The following CIRSR variants were observed in gnomAD, a reference collection of about 807,000 sequenced individuals.
CIRSR encodes the protein corepressor of RBPJ and splicing regulator.
At chr2:174,374,877 C>G in the CIRSR span, among the ~76,000 whole-genome samples, 1 of 152,166 alleles carries the variant, frequency 6.6e-6, no homozygotes, top group African/African-American at 2.4e-5. Flanking sequence ...TTAGAGGAGC[C>G]CTTCCTGATC....
the CIRSR span, chr2:174,381,581 A>T: frequency 3.2e-6 from 2 of 632,930 alleles, no homozygotes; most frequent in East Asian, 5.9e-5. Context: ...CCAACTCAGG[A>T]GGTGGATGGA....
the CIRSR span, among the ~76,000 whole-genome samples, chr2:174,359,151 A>C: frequency 2.0e-5 from 3 of 152,326 alleles, no homozygotes; most frequent in East Asian, 5.8e-4. Context: ...AGAACAGATA[A>C]AATTCATATA....
chr2:174,395,057 T>G, the CIRSR span, among the ~76,000 whole-genome samples: 1 of 152,228 alleles, frequency 6.6e-6, no homozygotes, highest in Non-Finnish European at 1.5e-5. Context: ...TACTATGATA[T>G]TCACCAAAGT....
chr2:174,387,989 G>A, the CIRSR span, among the ~76,000 whole-genome samples: 3 of 151,928 alleles, frequency 2.0e-5, no homozygotes, highest in Admixed American at 6.6e-5. Flanking sequence ...GATAGCCAAC[G>A]AGCTAAAAAA....
chr2:174,369,046 G>A, the CIRSR span, among the ~76,000 whole-genome samples: 1 of 152,228 alleles, frequency 6.6e-6, no homozygotes, highest in Non-Finnish European at 1.5e-5. Context: ...GCCAGGTACT[G>A]ACTTCTCTGC....
chr2:174,355,687 C>T, the CIRSR span, among the ~76,000 whole-genome samples: 13 of 152,142 alleles, frequency 8.5e-5, no homozygotes, highest in South Asian at 1.2e-3. Context: ...GTGTGTAAAG[C>T]GCTTAATCTA....
the CIRSR span, among the ~76,000 whole-genome samples, chr2:174,392,026 G>T: frequency 6.6e-6 from 1 of 152,150 alleles, no homozygotes; most frequent in South Asian, 2.1e-4. Flanking sequence ...TTGAGTCAGT[G>T]TCTCACTGTC....
At chr2:174,380,179 A>G in the CIRSR span, 3 of 1,523,462 alleles carry the variant, frequency 2.0e-6, no homozygotes, top group Non-Finnish European at 1.8e-6. Context: ...TTATTCTTAC[A>G]GAGTAAAATA....
chr2:174,385,215 CAAAAAA>C, the CIRSR span, among the ~76,000 whole-genome samples: 34 of 94,130 alleles, frequency 3.6e-4, no homozygotes, highest in Non-Finnish European at 6.0e-4. Flanking sequence ...ACCTTCCTCT[CAAAAAA>C]AAAAAAAAAA....
At chr2:174,395,270 T>C in the CIRSR span, among the ~76,000 whole-genome samples, 1 of 152,182 alleles carries the variant, frequency 6.6e-6, no homozygotes, top group Non-Finnish European at 1.5e-5. Flanking sequence ...CTGAAGGAAG[T>C]ACTGAGGAAT....
At chr2:174,366,106 C>T in the CIRSR span, among the ~76,000 whole-genome samples, 3 of 152,168 alleles carry the variant, frequency 2.0e-5, no homozygotes, top group South Asian at 4.1e-4. Context: ...ATGCCTTTGA[C>T]GGGCTCCTCA....
the CIRSR span, among the ~76,000 whole-genome samples, chr2:174,360,527 C>A: frequency 6.6e-6 from 1 of 152,132 alleles, no homozygotes; most frequent in Non-Finnish European, 1.5e-5. Flanking sequence ...CATTCATTCT[C>A]CTTTTCTCAG....
At chr2:174,390,605 T>A in the CIRSR span, among the ~76,000 whole-genome samples, 3 of 152,066 alleles carry the variant, frequency 2.0e-5, no homozygotes, top group Non-Finnish European at 4.4e-5. Flanking sequence ...GGACATGAGA[T>A]CTGGAAGGGG....
At chr2:174,393,106 T>C in the CIRSR span, among the ~76,000 whole-genome samples, 1 of 151,624 alleles carries the variant, frequency 6.6e-6, no homozygotes, top group African/African-American at 2.4e-5. Flanking sequence ...TAGAAGAGAG[T>C]AGTTATTACA....
At chr2:174,377,824 CAAAAAAAAA>C in the CIRSR span, among the ~76,000 whole-genome samples, 4 of 60,076 alleles carry the variant, frequency 6.7e-5, no homozygotes, top group Non-Finnish European at 1.1e-4. Flanking sequence ...GACGCCATCT[CAAAAAAAAA>C]AAAAAAAAAA....
chr2:174,355,219 T>C, the CIRSR span, among the ~76,000 whole-genome samples: 5 of 152,182 alleles, frequency 3.3e-5, no homozygotes, highest in African/African-American at 4.8e-5. Flanking sequence ...TACAGATACG[T>C]TGATAAAATA....
At chr2:174,379,459 G>C in the CIRSR span, among the ~76,000 whole-genome samples, 4 of 152,168 alleles carry the variant, frequency 2.6e-5, no homozygotes, top group African/African-American at 9.7e-5. Flanking sequence ...TTTTGGGACA[G>C]ATGTTGTCTA....
the CIRSR span, among the ~76,000 whole-genome samples, chr2:174,353,019 T>C: frequency 1.3e-5 from 2 of 152,224 alleles, no homozygotes; most frequent in African/African-American, 4.8e-5. Flanking sequence ...TACCTGTCAA[T>C]AGCAGATGTG....
the CIRSR span, among the ~76,000 whole-genome samples, chr2:174,360,896 G>C: frequency 6.6e-6 from 1 of 152,038 alleles, no homozygotes; most frequent in African/African-American, 2.4e-5. Flanking sequence ...TACTAATAAG[G>C]AACATCATTT....
Sources: allele counts gnomAD v4.1 joint callset (sites outside exome capture counted in the v4.1 genomes callset), GRCh38; gene constraint gnomAD v4.1.1; transcripts MANE v1.5; gene names NCBI Gene and HGNC (gene_info 2026-07-23, HGNC 2026-07-21).